NUDT5: variants seen among roughly 807,000 people sequenced by gnomAD.
NUDT5 encodes nudix hydrolase 5.
NUDT5 carries 21 observed loss-of-function variants against 34.1 expected under a neutral mutation model. That is an observed-to-expected ratio of 0.62 (90% CI 0.44 to 0.89). The LOEUF (loss-of-function observed/expected upper bound fraction) is 0.89, where lower values mean the gene tolerates loss of function less well. NUDT5 is among the 40% of genes least tolerant of loss of function. The pLI is 0.00. For missense variants in NUDT5, 249 were observed against 274.8 expected (o/e 0.91, Z 0.66); for synonymous variants, 85 against 97.6 (o/e 0.87, Z 0.76).
intron 1 of NUDT5, among the ~76,000 whole-genome samples, chr10:12,194,554 G>T (rs1835296352): frequency 6.6e-6 from 1 of 152,184 alleles, no homozygotes. Context: ...CCTCTGCTTT[G>T]AAAATGTATT....
chr10:12,174,995 A>C (rs922814245), intron 5 of NUDT5, among the ~76,000 whole-genome samples: 1 of 152,198 alleles, frequency 6.6e-6, no homozygotes, highest in East Asian at 1.9e-4. Context: ...AGGGAGCAGC[A>C]ACGCAGACTC....
chr10:12,173,831 T>C lies in NUDT5; in HGVS notation c.290-18A>G, dbSNP rs763098986. The C allele has an allele frequency of 3.8e-6, 6 of 1,576,790 alleles. No homozygotes were observed. The highest frequency in any genetic ancestry group is 5.2e-6 in the Non-Finnish European group (6 of 1,146,910). On this transcript the variant is annotated intron_variant, in intron 5 of 9. Coordinates refer to ENST00000491614, the MANE Select transcript of NUDT5 (RefSeq NM_014142.4). This position sits in a 1 kb window ranked among gnomAD's most constrained non-coding sequence, Gnocchi z 4.7. ...TATGAGACCTGCAAGTCCAAATCAT[T>C]GGTGTGATGGGAGCGGGAAATCCGG... is the stretch of plus-strand genomic sequence containing the variant.
In NUDT5 at chr10:12,170,573, C is replaced by G. The variant is rs892411553; in HGVS notation, c.550+144G>C. 3.8e-6 allele frequency: 3 copies of G among 797,492 alleles called. No homozygotes were observed. The African/African-American group carries it at 5.2e-5, about 14-fold the overall frequency. 49.4% of individuals were successfully genotyped at this position (797,492 alleles called of 1,614,324 possible). A position where few individuals can be genotyped will look rare whatever the true frequency, so the allele number is the denominator to read the frequency against. On this transcript the variant is annotated intron_variant, in intron 9 of 9. Transcript: ENST00000491614. This position sits in a 1 kb window ranked among gnomAD's most constrained non-coding sequence, Gnocchi z 4.9. ...CCCAGAAAGGAAAATTAGTAGTGGTCACCTGCAGTTTTACAAGTTGCTAGG... is the reference window on the plus strand; with the variant it reads ...CCCAGAAAGGAAAATTAGTAGTGGTGACCTGCAGTTTTACAAGTTGCTAGG...
intron 5 of NUDT5, among the ~76,000 whole-genome samples, chr10:12,176,197 CAAAAAATA>C (rs933093980): frequency 1.0e-4 from 15 of 148,982 alleles, no homozygotes; most frequent in African/African-American, 2.7e-4. Flanking sequence ...AACTCTATTT[CAAAAAATA>C]AAAAAATAAA....
Position 12,170,918 on chromosome 10 carries a change from A to C in NUDT5, c.488-10T>G, listed in dbSNP as rs1180157762. The C allele has an allele frequency of 6.2e-7, 1 of 1,613,228 alleles. No individual in the cohort carries two copies. Among genetic ancestry groups the C allele is most frequent in the Non-Finnish European group, 8.5e-7 (1 of 1,179,596 alleles). The stretch of plus-strand genomic sequence containing the variant: ...AACATACCTCCATCCCCTGGAAATA[A>C]ACAGAAGGAAAACATTTCAGCAAGG... On this transcript the variant is annotated splice_polypyrimidine_tract_variant and intron_variant, in intron 7 of 9. Coordinates refer to ENST00000491614, the MANE Select transcript of NUDT5 (RefSeq NM_014142.4). This position sits in a 1 kb window ranked among gnomAD's most constrained non-coding sequence, Gnocchi z 4.9.
intron 1 of NUDT5, among the ~76,000 whole-genome samples, chr10:12,193,427 G>A (rs908604038): frequency 6.6e-6 from 1 of 152,144 alleles, no homozygotes; most frequent in African/African-American, 2.4e-5. Flanking sequence ...ATTAGGAATT[G>A]CACAATAAAT....
intron 5 of NUDT5, among the ~76,000 whole-genome samples, chr10:12,176,284 G>A (rs917903096): frequency 1.3e-5 from 2 of 152,158 alleles, no homozygotes; most frequent in African/African-American, 4.8e-5. Context: ...TGTTAACCAT[G>A]TGTTACCAGC....
At position 12,170,592 on chromosome 10, in the gene NUDT5, T is replaced by C. The variant is rs748986335; in HGVS notation, c.550+125A>G. 1 of 922,988 alleles carries C rather than the reference T, an allele frequency of 1.1e-6. No individual in the cohort carries two copies. The highest frequency in any genetic ancestry group is 1.8e-6 in the Non-Finnish European group (1 of 567,664). 57.2% of individuals were successfully genotyped at this position (922,988 alleles called of 1,614,324 possible). ...AGTGGTCACCTGCAGTTTTACAAGT[T>C]GCTAGGCATTTGACTTTAGTGATAC... On this transcript the variant is annotated intron_variant, in intron 9 of 9. Coordinates refer to ENST00000491614, the MANE Select transcript of NUDT5 (RefSeq NM_014142.4). This position sits in a 1 kb window ranked among gnomAD's most constrained non-coding sequence, Gnocchi z 4.9.
rs1049626924 is a variant in NUDT5 at position 12,181,696 on chromosome 10, G to A, written c.132-2564C>T. 2.4e-4 allele frequency among the ~76,000 whole-genome samples: 37 copies of A among 152,100 alleles called. 1 individual carries two copies. Among genetic ancestry groups the A allele is most frequent in the African/African-American group, 7.7e-4 (32 of 41,482 alleles). On this transcript the variant is annotated intron_variant, in intron 3 of 9. Coordinates refer to ENST00000491614, the MANE Select transcript of NUDT5 (RefSeq NM_014142.4). This position sits in a 1 kb window ranked among gnomAD's most constrained non-coding sequence, Gnocchi z 5.0. ...GCCGTGTGCGTGCAAAGGATATATC[G>A]GGCCGGGTGTGGTGGCTCACGCCTG... is the stretch of plus-strand genomic sequence containing the variant.
At position 12,165,468 on chromosome 10, in the gene NUDT5, C is replaced by G. The variant is rs1834647680; in HGVS notation, c.*2234G>C. 3.4e-6 allele frequency: 2 copies of G among 582,234 alleles called. No individual in the cohort carries two copies. Among genetic ancestry groups the G allele is most frequent in the Non-Finnish European group, 4.3e-6 (2 of 462,272 alleles). 36.1% of individuals were successfully genotyped at this position (582,234 alleles called of 1,614,324 possible). On this transcript the variant is annotated 3_prime_UTR_variant, in exon 10 of 10. Transcript: ENST00000491614. ...TCATAAGAAGTCCACCCTGAGATGC[C>G]TGTAAAAGTCAAATGTAATTACACT... is the stretch of plus-strand genomic sequence containing the variant.
intron 1 of NUDT5, among the ~76,000 whole-genome samples, chr10:12,192,095 C>T (rs1405985259): frequency 6.6e-6 from 1 of 152,138 alleles, no homozygotes. Context: ...CAGGAGCCCA[C>T]ATCATAAGTA....
intron 1 of NUDT5, among the ~76,000 whole-genome samples, chr10:12,192,612 C>T (rs538285590): frequency 3.9e-5 from 6 of 152,086 alleles, no homozygotes; most frequent in East Asian, 1.9e-4. Flanking sequence ...CCAGCGCTTT[C>T]GGAGGCCAAG....
rs1276059480 is a variant in NUDT5 at position 12,169,361 on chromosome 10, A to G, written c.550+1356T>C. 2 of 1,434,598 alleles carry G rather than the reference A, an allele frequency of 1.4e-6. No homozygotes were observed. Among genetic ancestry groups the G allele is most frequent in the Non-Finnish European group, 1.9e-6 (2 of 1,048,068 alleles). The allele number at this position is 1,434,598 out of a possible 1,614,324, so 88.9% of individuals were successfully genotyped here. On this transcript the variant is annotated intron_variant, in intron 9 of 9. Coordinates refer to ENST00000491614, the MANE Select transcript of NUDT5 (RefSeq NM_014142.4). The surrounding 1 kb of genome is among the most constrained non-coding windows in gnomAD (Gnocchi z 4.8). ...CCCGCACGGCATTTCACACTTGCCT[A>G]CGTCACCCTGCTTTCCACGCACCTC...
At chr10:12,172,709 G>T in intron 7 of NUDT5, 56 bp downstream of exon 7, 1 of 1,204,674 alleles carries the variant, frequency 8.3e-7, no homozygotes, top group Non-Finnish European at 1.2e-6. Context: ...CTAGCAGCAA[G>T]TTCCAAGACA....
chr10:12,190,837 G>C (rs1402151412), intron 1 of NUDT5, among the ~76,000 whole-genome samples: 1 of 151,780 alleles, frequency 6.6e-6, no homozygotes, highest in Non-Finnish European at 1.5e-5. Context: ...TCGAACTCCT[G>C]ACCTCAAGTG....
chr10:12,194,970 C>G (rs891794493), intron 1 of NUDT5, among the ~76,000 whole-genome samples: 3 of 152,124 alleles, frequency 2.0e-5, no homozygotes, highest in Non-Finnish European at 4.4e-5. Context: ...CGAGACCAGC[C>G]TGGCAAATAT....
In NUDT5 at chr10:12,170,820, C is replaced by A. The variant is rs1264192671; in HGVS notation, c.497-50G>T. On this transcript the variant is annotated intron_variant, in intron 8 of 9. Coordinates refer to ENST00000491614, the MANE Select transcript of NUDT5 (RefSeq NM_014142.4). The surrounding 1 kb of genome is among the most constrained non-coding windows in gnomAD (Gnocchi z 4.9). ...AACAAAGCTAACGTCAAGAGCCTAC[C>A]AAAACAACCCAAAATGTCTGCAGCC... The A allele has an allele frequency of 8.1e-6, 13 of 1,612,932 alleles. No homozygotes were observed. The highest frequency in any genetic ancestry group is 1.0e-5 in the Non-Finnish European group (12 of 1,179,082).
intron 1 of NUDT5, among the ~76,000 whole-genome samples, chr10:12,192,731 G>A (rs1157830712): frequency 2.0e-5 from 3 of 152,026 alleles, no homozygotes; most frequent in African/African-American, 7.3e-5. Context: ...CACGCCAGTA[G>A]TCCCAGCTAC....
intron 3 of NUDT5, 96 bp from the exon 4 acceptor site, chr10:12,179,228 A>G: frequency 3.3e-6 from 3 of 903,846 alleles, no homozygotes; most frequent in South Asian, 1.5e-5. Context: ...AATGCAATGC[A>G]TGCAAATGTA....
Sources: gnomAD v4.1 joint callset for allele counts (sites outside exome capture counted in the v4.1 genomes callset) on GRCh38, gnomAD v4.1.1 for gene constraint, Gnocchi (gnomAD v3.1) non-coding constraint, MANE v1.5 for transcripts, NCBI Gene and HGNC (gene_info 2026-07-23, HGNC 2026-07-21) for gene names.